Variants in CDH18 observed in about 807,000 individuals in gnomAD.
CDH18 encodes cadherin 18.
A neutral mutation model predicts 67.9 loss-of-function variants in CDH18; 31 were observed. That is an observed-to-expected ratio of 0.46 (90% CI 0.34 to 0.62). The LOEUF (loss-of-function observed/expected upper bound fraction) is 0.62, where lower values mean the gene tolerates loss of function less well. Among genes scored for constraint, CDH18 ranks in the 20% least tolerant of loss-of-function variants. The pLI is 0.01. For missense variants in CDH18, 890 were observed against 975.5 expected (o/e 0.91, Z 1.17); for synonymous variants, 362 against 347.2 (o/e 1.04, Z -0.48).
chr5:19,885,838 T>A (rs764164201), intron 2 of CDH18, among the ~76,000 whole-genome samples: 4 of 152,192 alleles, frequency 2.6e-5, no homozygotes, highest in Non-Finnish European at 5.9e-5. Flanking sequence ...GTTATTGTTA[T>A]TTTAGAAAAT....
At chr5:20,118,323 C>T (rs1277687832) in intron 2 of CDH18, among the ~76,000 whole-genome samples, 1 of 152,010 alleles carries the variant, frequency 6.6e-6, no homozygotes, top group African/African-American at 2.4e-5. Context: ...ATAAAAGCAT[C>T]TATTTATAGC....
intron 3 of CDH18, among the ~76,000 whole-genome samples, chr5:19,768,085 G>A (rs1318587347): frequency 1.3e-5 from 2 of 152,112 alleles, no homozygotes; most frequent in Admixed American, 6.6e-5. Context: ...TTGAGCTGGA[G>A]TTCCTTCAAG....
intron 2 of CDH18, among the ~76,000 whole-genome samples, chr5:19,963,955 C>G (rs971364190): frequency 1.3e-5 from 2 of 151,912 alleles, no homozygotes; most frequent in African/African-American, 2.4e-5. Flanking sequence ...AACTCAATAT[C>G]AAGACATTAG....
chr5:20,435,341 T>C (rs1749089172), intron 1 of CDH18, among the ~76,000 whole-genome samples: 1 of 152,058 alleles, frequency 6.6e-6, no homozygotes, highest in Non-Finnish European at 1.5e-5. Flanking sequence ...AGAAAAGTGA[T>C]AGATACAATG....
Position 19,665,770 on chromosome 5 carries a change from T to C in CDH18, c.644-53169A>G, listed in dbSNP as rs1428684660. Among the ~76,000 whole-genome samples, 5 of 152,174 alleles carry C rather than the reference T, an allele frequency of 3.3e-5. No homozygotes were observed. In the East Asian group the frequency reaches 7.7e-4, roughly 24 times the overall value. ...AGGAAGTTGACCTACGAGAGAAGTG[T>C]GTTGTTACAATGGGAAGAATAGTTA... On this transcript the variant is annotated intron_variant, in intron 5 of 12. Transcript: ENST00000382275.
chr5:19,664,947 T>C (rs1324665500), intron 5 of CDH18, among the ~76,000 whole-genome samples: 2 of 151,984 alleles, frequency 1.3e-5, no homozygotes, highest in African/African-American at 2.4e-5. Context: ...ATGAATATAT[T>C]TGAAATAATA....
intron 2 of CDH18, among the ~76,000 whole-genome samples, chr5:20,086,840 G>T (rs534784979): frequency 6.6e-6 from 1 of 152,256 alleles, no homozygotes; most frequent in South Asian, 2.1e-4. Context: ...TGTGTAAGAA[G>T]ATGAATATAG....
rs192683662 is a variant in CDH18 at position 19,737,261 on chromosome 5, A to G, written c.523+9681T>C. On this transcript the variant is annotated intron_variant, in intron 4 of 12. Coordinates refer to ENST00000382275, the MANE Select transcript of CDH18 (RefSeq NM_004934.5). ...CACCCAATCACTGTGTAGTCATTCT[A>G]TACCCAATTGCTGTATCTTCTCACT... Among the ~76,000 whole-genome samples, 734 of 152,194 alleles carry G rather than the reference A, an allele frequency of 4.8e-3. 2 individuals carry two copies. The highest frequency in any genetic ancestry group is 0.01 in the African/African-American group (434 of 41,522).
intron 1 of CDH18, among the ~76,000 whole-genome samples, chr5:20,394,769 A>G (rs1174071285): frequency 6.6e-6 from 1 of 152,164 alleles, no homozygotes; most frequent in African/African-American, 2.4e-5. Context: ...AAAAGTGGGC[A>G]AATGATATGA....
At chr5:20,014,281 T>C (rs998883329) in intron 2 of CDH18, among the ~76,000 whole-genome samples, 4 of 152,132 alleles carry the variant, frequency 2.6e-5, no homozygotes, top group African/African-American at 9.6e-5. Context: ...ATCAACAGTC[T>C]GCTGGGCAAG....
intron 2 of CDH18, among the ~76,000 whole-genome samples, chr5:20,042,531 GT>G (rs1740517317): frequency 6.6e-6 from 1 of 152,106 alleles, no homozygotes; most frequent in South Asian, 2.1e-4. Flanking sequence ...TTGGCTGGCA[GT>G]TTATTTCATA....
At chr5:20,460,296 G>A (rs994945680) in intron 1 of CDH18, among the ~76,000 whole-genome samples, 2 of 151,952 alleles carry the variant, frequency 1.3e-5, no homozygotes, top group Admixed American at 6.6e-5. Flanking sequence ...GGAGGCTGAG[G>A]CAGGAGAATC....
At chr5:20,404,495 C>G (rs1261428753) in intron 1 of CDH18, among the ~76,000 whole-genome samples, 1 of 151,928 alleles carries the variant, frequency 6.6e-6, no homozygotes, top group Non-Finnish European at 1.5e-5. Flanking sequence ...TTTTTTTAAG[C>G]CTAATTTTAA....
chr5:20,206,609 C>A (rs376130851), intron 2 of CDH18, among the ~76,000 whole-genome samples: 3 of 151,694 alleles, frequency 2.0e-5, no homozygotes, highest in East Asian at 3.9e-4. Flanking sequence ...ATTTTACAAA[C>A]CATTAAAATA....
intron 2 of CDH18, among the ~76,000 whole-genome samples, chr5:19,847,225 T>C (rs556938063): frequency 1.3e-5 from 2 of 152,228 alleles, no homozygotes; most frequent in South Asian, 2.1e-4. Context: ...TCATTGATCT[T>C]TTCTCAATTT....
intron 5 of CDH18, among the ~76,000 whole-genome samples, chr5:19,616,394 T>A (rs938332005): frequency 6.6e-6 from 1 of 152,058 alleles, no homozygotes; most frequent in East Asian, 1.9e-4. Context: ...ATTAAAAAAA[T>A]TGGTTAAATG....
At chr5:20,093,157 C>T (rs541010544) in intron 2 of CDH18, among the ~76,000 whole-genome samples, 2 of 151,892 alleles carry the variant, frequency 1.3e-5, no homozygotes, top group South Asian at 4.2e-4. Flanking sequence ...GGAAGCTTGA[C>T]CCCAAGAATT....
chr5:19,888,833 C>T (rs1053410843), intron 2 of CDH18, among the ~76,000 whole-genome samples: 2 of 151,904 alleles, frequency 1.3e-5, no homozygotes, highest in Non-Finnish European at 2.9e-5. Context: ...TGTTGATTTC[C>T]AGAAGAATGT....
chr5:19,703,998 A>G (rs1465003994), intron 5 of CDH18, among the ~76,000 whole-genome samples: 1 of 152,132 alleles, frequency 6.6e-6, no homozygotes, highest in Non-Finnish European at 1.5e-5. Context: ...TCAAATTATT[A>G]TATCTACTTC....
Sources: gnomAD v4.1 joint callset for allele counts (sites outside exome capture counted in the v4.1 genomes callset) on GRCh38, gnomAD v4.1.1 for gene constraint, MANE v1.5 for transcripts, NCBI Gene and HGNC (gene_info 2026-07-23, HGNC 2026-07-21) for gene names.